The following SPTBN1 variants were observed in gnomAD, a reference collection of about 807,000 sequenced individuals.
The protein encoded by SPTBN1 is spectrin beta chain, non-erythrocytic 1.
A neutral mutation model predicts 266.4 loss-of-function variants in SPTBN1; 32 were observed. That is an observed-to-expected ratio of 0.12 (90% CI 0.09 to 0.16). The LOEUF is 0.16. Ranked by LOEUF, SPTBN1 falls within the 10% of genes least tolerant of loss-of-function variation. The pLI is 1.00. For synonymous variants in SPTBN1, 1,336 were observed against 1,162.2 expected (o/e 1.15, Z -3.04); for missense variants, 2,296 against 3,067.1 (o/e 0.75, Z 5.94).
At chr2:54,457,924 T>C (rs1391807237) in intron 1 of SPTBN1, among the ~76,000 whole-genome samples, 2 of 152,192 alleles carry the variant, frequency 1.3e-5, no homozygotes, top group Non-Finnish European at 2.9e-5. Context: ...CGGCCTGTGG[T>C]TGCGGATCGG....
intron 8 of SPTBN1, among the ~76,000 whole-genome samples, chr2:54,621,950 A>G (rs1375285519): frequency 6.6e-6 from 1 of 152,192 alleles, no homozygotes; most frequent in African/African-American, 2.4e-5. Flanking sequence ...ATTAATGGGC[A>G]TTTATGGGAC....
chr2:54,579,719 G>A (rs1249339215), intron 2 of SPTBN1, among the ~76,000 whole-genome samples: 2 of 152,238 alleles, frequency 1.3e-5, no homozygotes, highest in African/African-American at 2.4e-5. Flanking sequence ...TAAAATGTAA[G>A]TCTTAGGAGA....
intron 2 of SPTBN1, among the ~76,000 whole-genome samples, chr2:54,547,784 G>C (rs888173452): frequency 5.3e-5 from 8 of 152,196 alleles, no homozygotes; most frequent in Non-Finnish European, 8.8e-5. Context: ...TTATAGGTGA[G>C]CTTGGCAGGT....
At chr2:54,587,100 A>C (rs923860347) in intron 2 of SPTBN1, among the ~76,000 whole-genome samples, 4 of 152,176 alleles carry the variant, frequency 2.6e-5, no homozygotes, top group Admixed American at 6.5e-5. Flanking sequence ...CATTAAGGCT[A>C]CTTTTTGTGT....
intron 2 of SPTBN1, among the ~76,000 whole-genome samples, chr2:54,564,504 G>T (rs528067637): frequency 6.6e-6 from 1 of 152,284 alleles, no homozygotes; most frequent in African/African-American, 2.4e-5. Context: ...AGAGTGCTCC[G>T]TGCAAACATG....
In SPTBN1 at chr2:54,647,368, G is replaced by C. The variant is rs915656098; in HGVS notation, c.4997+107G>C. ...ATGTCAGCATTCATCATGACTTGCTGGTAAGGCAAATCTTTGAGAAGCATT... is the reference window on the plus strand; with the variant it reads ...ATGTCAGCATTCATCATGACTTGCTCGTAAGGCAAATCTTTGAGAAGCATT... On this transcript the variant is annotated intron_variant, in intron 24 of 35. Coordinates refer to ENST00000356805, the MANE Select transcript of SPTBN1 (RefSeq NM_003128.3). The C allele has an allele frequency of 1.6e-5, 23 of 1,467,966 alleles. No individual in the cohort carries two copies. In the Admixed American group the frequency reaches 4.7e-4, roughly 30 times the overall value. 90.9% of individuals were successfully genotyped at this position (1,467,966 alleles called of 1,614,324 possible). A position where few individuals can be genotyped will look rare whatever the true frequency, so the allele number is the denominator to read the frequency against.
intron 2 of SPTBN1, among the ~76,000 whole-genome samples, chr2:54,595,131 C>G (rs147153271): frequency 7.2e-5 from 11 of 152,216 alleles, no homozygotes; most frequent in African/African-American, 2.4e-4. Context: ...TGCACCTGGC[C>G]AATTTCTTAA....
Position 54,646,228 on chromosome 2 carries a change from G to T in SPTBN1, c.4619G>T (p.Arg1540Leu). The T allele has an allele frequency of 6.2e-7, 1 of 1,613,062 alleles. No individual in the cohort carries two copies. The highest frequency in any genetic ancestry group is 8.5e-7 in the Non-Finnish European group (1 of 1,179,398). ...AAAGAAATCCAGGGGCACCAGCCTC[G>T]CATTGACGACATCTTTGAGAGGAGC... ...LQKEIQGHQP[R>L]IDDIFERSQN... The change falls in exon 23 of 36, where the codon CGC becomes CTC. Residue 1540 changes from arginine to leucine, a missense_variant. Around this residue, in one of 12 missense-constraint regions of SPTBN1, gnomAD observed 644 missense variants for 745.3 expected, o/e 0.86. Transcript: ENST00000356805. The surrounding 1 kb of genome is among the most constrained non-coding windows in gnomAD (Gnocchi z 4.4).
intron 29 of SPTBN1, among the ~76,000 whole-genome samples, chr2:54,656,811 G>C (rs920806033): frequency 2.6e-5 from 4 of 152,220 alleles, no homozygotes; most frequent in African/African-American, 9.6e-5. Context: ...TGGTCTGTAT[G>C]TTTTGAGAAT....
chr2:54,511,101 T>C (rs1357102865), intron 1 of SPTBN1, among the ~76,000 whole-genome samples: 4 of 152,232 alleles, frequency 2.6e-5, no homozygotes, highest in African/African-American at 2.4e-5. Context: ...ACTTAACTTA[T>C]GGCTGTCACC....
intron 2 of SPTBN1, among the ~76,000 whole-genome samples, chr2:54,583,229 C>G (rs1396514301): frequency 6.6e-6 from 1 of 152,066 alleles, no homozygotes; most frequent in East Asian, 1.9e-4. Context: ...CAGTGCTTTG[C>G]TTGATCCTCT....
chr2:54,637,530 C>G (rs1298420771), intron 17 of SPTBN1, among the ~76,000 whole-genome samples, 183 bp from the exon 18 acceptor site: 1 of 152,168 alleles, frequency 6.6e-6, no homozygotes, highest in Non-Finnish European at 1.5e-5. Context: ...CTCTCTGGGA[C>G]CATGGCTTAC....
rs113524424 is a variant in SPTBN1, at chr2:54,552,861, A to G, written c.148+26295A>G. Among the ~76,000 whole-genome samples, 201 of 152,272 alleles carry G rather than the reference A, an allele frequency of 1.3e-3. 2 individuals are homozygous for G. The highest frequency in any genetic ancestry group is 4.2e-3 in the African/African-American group (174 of 41,552). ...TGTAAGTTGAGAAGTGGTCTCACCC[A>G]TGGTTTTCTAAGAGTAGTGTGAGTC... On this transcript the variant is annotated intron_variant, in intron 2 of 35. Transcript: ENST00000356805.
At chr2:54,632,538 C>T (rs1678821232) in intron 16 of SPTBN1, 28 bp from the exon 17 acceptor site, 1 of 1,609,234 alleles carries the variant, frequency 6.2e-7, no homozygotes, top group South Asian at 1.1e-5. Flanking sequence ...CATTGATCTG[C>T]TATGATTTGT....
At chr2:54,650,108 C>T (rs1680172502) in intron 26 of SPTBN1, 119 bp downstream of exon 26, 2 of 1,290,914 alleles carry the variant, frequency 1.5e-6, no homozygotes, top group South Asian at 2.9e-5. Flanking sequence ...CAATTAAGCA[C>T]ATACATGTAC....
intron 3 of SPTBN1, among the ~76,000 whole-genome samples, chr2:54,602,550 T>C (rs961788478): frequency 9.2e-5 from 14 of 152,228 alleles, no homozygotes; most frequent in African/African-American, 3.1e-4. Context: ...CTGGCCAGAC[T>C]AAGCCCTCGC....
intron 1 of SPTBN1, among the ~76,000 whole-genome samples, chr2:54,521,839 A>G (rs1253912796): frequency 6.6e-6 from 1 of 151,918 alleles, no homozygotes; most frequent in South Asian, 2.1e-4. Flanking sequence ...TTATTTATTT[A>G]TTTTGTACAC....
At chr2:54,489,803 T>C (rs1478759377) in intron 1 of SPTBN1, among the ~76,000 whole-genome samples, 1 of 152,234 alleles carries the variant, frequency 6.6e-6, no homozygotes. Flanking sequence ...CAATCTCTAA[T>C]TGGGAATGTT....
chr2:54,460,029 G>A (rs185824287), intron 1 of SPTBN1, among the ~76,000 whole-genome samples: 2 of 152,268 alleles, frequency 1.3e-5, no homozygotes, highest in East Asian at 1.9e-4. Flanking sequence ...AACATCTCTG[G>A]AGAAGGCATT....
Sources: allele counts gnomAD v4.1 joint callset (sites outside exome capture counted in the v4.1 genomes callset), GRCh38; gene constraint gnomAD v4.1.1; regional missense constraint gnomAD v4.1.1; non-coding constraint Gnocchi (gnomAD v3.1); transcripts MANE v1.5; gene names NCBI Gene and HGNC (gene_info 2026-07-23, HGNC 2026-07-21).